The following MYO6 variants were observed in gnomAD, a reference collection of about 807,000 sequenced individuals.
MYO6 encodes the protein unconventional myosin-VI.
A neutral mutation model predicts 178.7 loss-of-function variants in MYO6; 74 were observed. The observed-to-expected ratio is 0.41, with a 90% CI of 0.34 to 0.50. The LOEUF is 0.50. Ranked by LOEUF, MYO6 falls within the 20% of genes least tolerant of loss-of-function variation. The probability of loss-of-function intolerance (pLI) is 0.09; values close to 1 mark genes in which losing one functional copy is unlikely to be tolerated. For missense variants in MYO6, 1,330 were observed against 1,547.4 expected (o/e 0.86, Z 2.36); for synonymous variants, 477 against 504.6 (o/e 0.95, Z 0.73).
intron 14 of MYO6, 89 bp from the exon 15 acceptor site, chr6:75,860,934 T>G: frequency 9.9e-7 from 1 of 1,009,220 alleles, no homozygotes; most frequent in Non-Finnish European, 1.6e-6. Flanking sequence ...CTTTGCATTC[T>G]AATTAGCAAA....
At chr6:75,805,021 A>ATATATATTTTTTTTT (rs1252912172) in intron 1 of MYO6, among the ~76,000 whole-genome samples, 5 of 77,286 alleles carry the variant, frequency 6.5e-5, no homozygotes, top group African/African-American at 5.1e-4. Flanking sequence ...ATATATATAT[A>ATATATATTTTTTTTT]TTTTTTTTTT....
chr6:75,795,539 C>G (rs1251960879), intron 1 of MYO6, among the ~76,000 whole-genome samples: 1 of 152,106 alleles, frequency 6.6e-6, no homozygotes, highest in East Asian at 1.9e-4. Flanking sequence ...CTCAGTAATG[C>G]ATAAATTGTG....
At position 75,918,041 on chromosome 6, in the gene MYO6, A is replaced by G. The variant is rs886061775; in HGVS notation, c.*3029A>G. 7.9e-5 allele frequency: 12 copies of G among 152,450 alleles called. No individual in the cohort carries two copies. Among genetic ancestry groups the G allele is most frequent in the Admixed American group, 5.2e-4 (8 of 15,296 alleles). The allele number at this position is 152,450 out of a possible 1,614,324, so 9.4% of individuals were successfully genotyped here. On this transcript the variant is annotated 3_prime_UTR_variant, in exon 35 of 35. Transcript: ENST00000369977. The stretch of plus-strand genomic sequence containing the variant: ...CAGAGAGGTCAAGTAATTTAGTTGT[A>G]GACTGAAAAATATATCAAAGCCTTT...
At chr6:75,831,804 C>T (rs960996235) in intron 5 of MYO6, among the ~76,000 whole-genome samples, 5 of 151,390 alleles carry the variant, frequency 3.3e-5, no homozygotes, top group African/African-American at 9.7e-5. Context: ...GTGGGAAGAT[C>T]GCTTGAGCTC....
chr6:75,895,188 C>T, intron 28 of MYO6, 43 bp from the exon 29 acceptor site: 2 of 1,493,688 alleles, frequency 1.3e-6, no homozygotes, highest in South Asian at 1.2e-5. Context: ...TTTCACAGTT[C>T]ACAATTGGTT....
At chr6:75,845,183 C>T (rs1203756258) in intron 10 of MYO6, among the ~76,000 whole-genome samples, 1 of 152,084 alleles carries the variant, frequency 6.6e-6, no homozygotes, top group Non-Finnish European at 1.5e-5. Flanking sequence ...GGTTCTGGTT[C>T]TTCTGGTTGG....
intron 28 of MYO6, among the ~76,000 whole-genome samples, chr6:75,894,104 G>C (rs182216823): frequency 4.6e-5 from 7 of 152,280 alleles, no homozygotes; most frequent in Non-Finnish European, 7.3e-5. Context: ...CTTGTTAATG[G>C]AGTCATTGTT....
At chr6:75,881,113 T>G (rs965241896) in intron 22 of MYO6, among the ~76,000 whole-genome samples, 1 of 151,566 alleles carries the variant, frequency 6.6e-6, no homozygotes, top group African/African-American at 2.4e-5. Flanking sequence ...ATTAGCCGGG[T>G]GTGGTGGTGC....
rs771541006 is a variant in MYO6 at position 75,835,928 on chromosome 6, T to C, written c.525T>C (p.Gly175=). The change falls in exon 7 of 35, where the codon GGT becomes GGC. Residue 175 remains glycine (G), a synonymous_variant. Transcript: ENST00000369977. ...ACCTGACTGAATCCTATGGAACAGG[T>C]CAAGATATTGATGACAGAATTGTTG... ...LRYLTESYGT[G]QDIDDRIVEA... is the part of the protein sequence containing the mutation. 1 of 1,607,804 alleles carries C rather than the reference T, an allele frequency of 6.2e-7. No individual in the cohort carries two copies. Among genetic ancestry groups the C allele is most frequent in the South Asian group, 1.1e-5 (1 of 90,956 alleles).
At chr6:75,767,316 A>C (rs565897037) in intron 1 of MYO6, among the ~76,000 whole-genome samples, 2 of 152,178 alleles carry the variant, frequency 1.3e-5, no homozygotes, top group African/African-American at 4.8e-5. Flanking sequence ...GTGAGCCACT[A>C]TGCCTGGCCC....
intron 1 of MYO6, among the ~76,000 whole-genome samples, chr6:75,771,657 A>G (rs897311856): frequency 3.9e-5 from 6 of 152,166 alleles, no homozygotes; most frequent in Non-Finnish European, 7.3e-5. Context: ...GACTTTCTGA[A>G]TAATTATTTA....
chr6:75,800,866 G>T (rs1365100260), intron 1 of MYO6, among the ~76,000 whole-genome samples: 1 of 152,148 alleles, frequency 6.6e-6, no homozygotes, highest in African/African-American at 2.4e-5. Context: ...AATTACAGGT[G>T]CATGCCACCA....
intron 1 of MYO6, among the ~76,000 whole-genome samples, chr6:75,785,821 G>A (rs1216695086): frequency 6.6e-6 from 1 of 151,718 alleles, no homozygotes; most frequent in African/African-American, 2.4e-5. Flanking sequence ...TGTCCCCGTG[G>A]CATTTATTGA....
At chr6:75,788,584 A>G (rs1421237989) in intron 1 of MYO6, among the ~76,000 whole-genome samples, 2 of 152,142 alleles carry the variant, frequency 1.3e-5, no homozygotes, top group Non-Finnish European at 2.9e-5. Flanking sequence ...TATCCGATTC[A>G]TGTAATGTAA....
chr6:75,771,974 A>C (rs1020271500), intron 1 of MYO6, among the ~76,000 whole-genome samples: 5 of 152,292 alleles, frequency 3.3e-5, no homozygotes, highest in African/African-American at 1.2e-4. Flanking sequence ...CTTGTGGAGG[A>C]GTTAAAAAAG....
intron 1 of MYO6, among the ~76,000 whole-genome samples, chr6:75,782,628 A>T (rs1162381748): frequency 6.6e-6 from 1 of 152,042 alleles, no homozygotes; most frequent in Non-Finnish European, 1.5e-5. Flanking sequence ...TGCTTGTTAC[A>T]CTTTTCATTC....
chr6:75,867,860 TGAG>T (rs1019757721), intron 18 of MYO6, among the ~76,000 whole-genome samples: 6 of 152,136 alleles, frequency 3.9e-5, no homozygotes, highest in African/African-American at 1.4e-4. Flanking sequence ...TTCTAGTTAT[TGAG>T]GAGTGTAGAA....
At chr6:75,766,896 C>T (rs1022011290) in intron 1 of MYO6, among the ~76,000 whole-genome samples, 11 of 152,170 alleles carry the variant, frequency 7.2e-5, no homozygotes, top group African/African-American at 2.7e-4. Flanking sequence ...AGTGGCATCA[C>T]AATAATTTGA....
chr6:75,878,443 T>A (rs1777746439), intron 20 of MYO6, among the ~76,000 whole-genome samples: 1 of 152,182 alleles, frequency 6.6e-6, no homozygotes, highest in African/African-American at 2.4e-5. Flanking sequence ...CAAATTGCCA[T>A]CCAAAATTGT....
Sources: gnomAD v4.1 joint callset for allele counts (sites outside exome capture counted in the v4.1 genomes callset) on GRCh38, gnomAD v4.1.1 for gene constraint, MANE v1.5 for transcripts, NCBI Gene and HGNC (gene_info 2026-07-23, HGNC 2026-07-21) for gene names.